Variants in THSD7A observed in about 807,000 individuals in gnomAD.
THSD7A encodes thrombospondin type 1 domain containing 7A, also known as thrombospondin type-1 domain-containing protein 7A.
THSD7A carries 96 observed loss-of-function variants against 231.3 expected under a neutral mutation model. The observed-to-expected ratio is 0.41, with a 90% CI of 0.35 to 0.49. THSD7A has a LOEUF of 0.49. Among genes scored for constraint, THSD7A ranks in the 20% least tolerant of loss-of-function variants. The probability of loss-of-function intolerance (pLI) is 0.05; values close to 1 mark genes in which losing one functional copy is unlikely to be tolerated. For missense variants in THSD7A, 2,290 were observed against 2,070.2 expected (o/e 1.11, Z -2.06); for synonymous variants, 940 against 743.3 (o/e 1.26, Z -4.30).
rs763428550 is a variant in THSD7A, at chr7:11,474,464, T to G, written c.2122A>C (p.Ile708Leu). 3 of 1,613,628 alleles carry G rather than the reference T, an allele frequency of 1.9e-6. No homozygotes were observed. The highest frequency in any genetic ancestry group is 2.5e-6 in the Non-Finnish European group (3 of 1,179,630). Residue 708 changes from isoleucine (I) to leucine (L), a missense_variant, in exon 8 of 28, where the codon ATT (isoleucine) becomes CTT (leucine). Ile to Leu is a conservative substitution (Grantham distance 5). Coordinates refer to ENST00000423059, the MANE Select transcript of THSD7A (RefSeq NM_015204.3). This position sits in a 1 kb window ranked among gnomAD's most constrained non-coding sequence, Gnocchi z 4.1. ...AAGGACGATACTGAGGTGTCCTCAATGCACTGGCCCCAGGGACCAGTTTGC... is the reference window on the plus strand; with the variant it reads ...AAGGACGATACTGAGGTGTCCTCAAGGCACTGGCCCCAGGGACCAGTTTGC... ...HWQTGPWGQC[I>L]EDTSVSSFNT...
rs368472786 is a variant in THSD7A at position 11,528,393 on chromosome 7, G to A, written c.1822+13026C>T. Among the ~76,000 whole-genome samples, 7 of 152,032 alleles carry A rather than the reference G, an allele frequency of 4.6e-5. No individual in the cohort carries two copies. The East Asian group carries it at 1.3e-3, about 29-fold the overall frequency. Reference sequence around the variant, plus strand: ...TGGGTCACATGTTCATCCTTAAAGCGATTATTACAGCCAAGTAGATGGGAT... The same window carrying A: ...TGGGTCACATGTTCATCCTTAAAGCAATTATTACAGCCAAGTAGATGGGAT... On this transcript the variant is annotated intron_variant, in intron 6 of 27. Coordinates refer to ENST00000423059, the MANE Select transcript of THSD7A (RefSeq NM_015204.3).
chr7:11,598,335 C>T (rs1423022451), intron 2 of THSD7A, among the ~76,000 whole-genome samples: 1 of 152,150 alleles, frequency 6.6e-6, no homozygotes, highest in Non-Finnish European at 1.5e-5. Flanking sequence ...GAGTGCTCAC[C>T]AATGGGTGAC....
intron 10 of THSD7A, among the ~76,000 whole-genome samples, chr7:11,461,149 T>C (rs1280995305): frequency 1.3e-5 from 2 of 152,206 alleles, no homozygotes; most frequent in Admixed American, 6.5e-5. Context: ...GTCTTTTGTA[T>C]AGTGCTCTTT....
intron 1 of THSD7A, among the ~76,000 whole-genome samples, chr7:11,693,915 T>G (rs1001078233): frequency 4.0e-5 from 6 of 151,680 alleles, no homozygotes; most frequent in African/African-American, 1.2e-4. Context: ...CCATGACAAT[T>G]CAATAAATAT....
chr7:11,609,069 C>A (rs1395811208), intron 2 of THSD7A, among the ~76,000 whole-genome samples: 1 of 152,056 alleles, frequency 6.6e-6, no homozygotes, highest in East Asian at 1.9e-4. Flanking sequence ...CTCTAATTTG[C>A]CCTTGAATAT....
chr7:11,652,017 A>G (rs564775239), intron 1 of THSD7A, among the ~76,000 whole-genome samples: 1 of 152,040 alleles, frequency 6.6e-6, no homozygotes, highest in Non-Finnish European at 1.5e-5. Flanking sequence ...TGATTTTATT[A>G]CACATCTAGA....
rs890527837 is a variant in THSD7A at position 11,426,657 on chromosome 7, A to C, written c.3249+9T>G. Reference sequence around the variant, plus strand: ...TCTATCAAAAAGCATGAGGTTTAAGAGTTCTTACCTGTGCCTGGAGTGGTG... The same window carrying C: ...TCTATCAAAAAGCATGAGGTTTAAGCGTTCTTACCTGTGCCTGGAGTGGTG... On this transcript the variant is annotated intron_variant, in intron 15 of 27. Transcript: ENST00000423059. 5.1e-6 allele frequency: 8 copies of C among 1,558,098 alleles called. No individual in the cohort carries two copies. In the African/African-American group the frequency reaches 1.1e-4, roughly 21 times the overall value.
At chr7:11,749,895 T>C (rs1782442794) in intron 1 of THSD7A, among the ~76,000 whole-genome samples, 1 of 152,054 alleles carries the variant, frequency 6.6e-6, no homozygotes, top group African/African-American at 2.4e-5. Context: ...ATGGGTTACA[T>C]TGCATAGCAT....
At chr7:11,579,594 CATCTCAGGTTACAGGTATGAAGTAAG>C (rs1791068290) in intron 4 of THSD7A, among the ~76,000 whole-genome samples, 1 of 152,120 alleles carries the variant, frequency 6.6e-6, no homozygotes, top group Admixed American at 6.6e-5. Flanking sequence ...GTCTTCTTTC[CATCTCAGGTTACAGGTATGAAGTAAG>C]ATGAAACAGT....
chr7:11,505,451 T>C (rs1027033059), intron 6 of THSD7A, among the ~76,000 whole-genome samples: 12 of 151,906 alleles, frequency 7.9e-5, no homozygotes, highest in South Asian at 4.2e-4. Flanking sequence ...GTAAAGTTTT[T>C]TTTTTTTTTA....
intron 6 of THSD7A, among the ~76,000 whole-genome samples, chr7:11,525,879 G>A (rs1372013434): frequency 1.3e-5 from 2 of 152,138 alleles, no homozygotes; most frequent in East Asian, 1.9e-4. Context: ...CATTCTAAAT[G>A]TAACGTGTGA....
chr7:11,707,030 A>C (rs1780791629), intron 1 of THSD7A, among the ~76,000 whole-genome samples: 1 of 150,792 alleles, frequency 6.6e-6, no homozygotes, highest in African/African-American at 2.4e-5. Flanking sequence ...TTTTTCCACA[A>C]AATATTCAAC....
chr7:11,654,490 C>A (rs189745293), intron 1 of THSD7A, among the ~76,000 whole-genome samples: 217 of 152,020 alleles, frequency 1.4e-3, no homozygotes, highest in African/African-American at 5.0e-3. Flanking sequence ...TTCTTTTAGC[C>A]TGAAGCAATA....
chr7:11,480,152 A>G (rs1786363861), intron 7 of THSD7A, among the ~76,000 whole-genome samples: 1 of 152,182 alleles, frequency 6.6e-6, no homozygotes, highest in Non-Finnish European at 1.5e-5. Context: ...TAATGCAACC[A>G]CTAAACTTAA....
chr7:11,821,221 T>G, intron 1 of THSD7A: 1 of 1,191,078 alleles, frequency 8.4e-7, no homozygotes. Context: ...GGTCACTATA[T>G]GTTGGGCTAA....
intron 1 of THSD7A, among the ~76,000 whole-genome samples, chr7:11,825,457 A>T (rs935966018): frequency 3.9e-5 from 6 of 152,116 alleles, no homozygotes; most frequent in Non-Finnish European, 7.4e-5. Context: ...AACTGTATCA[A>T]TTCGTATTTT....
intron 1 of THSD7A, among the ~76,000 whole-genome samples, chr7:11,754,944 A>G (rs1462966889): frequency 2.0e-5 from 3 of 152,112 alleles, no homozygotes; most frequent in African/African-American, 7.2e-5. Context: ...TATATAGTTT[A>G]TGTTGAGTAA....
intron 1 of THSD7A, among the ~76,000 whole-genome samples, chr7:11,810,496 G>C (rs1308871989): frequency 6.6e-6 from 1 of 152,090 alleles, no homozygotes; most frequent in African/African-American, 2.4e-5. Context: ...CTTCCCCATA[G>C]CTAAAGTTCA....
intron 4 of THSD7A, among the ~76,000 whole-genome samples, chr7:11,563,215 C>A (rs943011095): frequency 6.6e-6 from 1 of 152,012 alleles, no homozygotes; most frequent in Non-Finnish European, 1.5e-5. Flanking sequence ...ATTTATAACA[C>A]ATTGTTTTCA....
Sources: allele counts gnomAD v4.1 joint callset (sites outside exome capture counted in the v4.1 genomes callset), GRCh38; gene constraint gnomAD v4.1.1; non-coding constraint Gnocchi (gnomAD v3.1); transcripts MANE v1.5; gene names NCBI Gene and HGNC (gene_info 2026-07-23, HGNC 2026-07-21).